The following VPS41 variants were observed in gnomAD, a reference collection of about 807,000 sequenced individuals.
VPS41 encodes VPS41 subunit of HOPS complex, also known as vacuolar protein sorting-associated protein 41 homolog.
In VPS41, 85 loss-of-function variants were observed where a neutral mutation model predicts 130.9. The observed-to-expected ratio is 0.65, with a 90% confidence interval of 0.55 to 0.78. The LOEUF (loss-of-function observed/expected upper bound fraction) is 0.78. Among genes scored for constraint, VPS41 ranks in the 30% least tolerant of loss-of-function variants. The probability of loss-of-function intolerance (pLI) is 0.00; values close to 1 mark genes in which losing one functional copy is unlikely to be tolerated. For synonymous variants in VPS41, 335 were observed against 332.9 expected (o/e 1.01, Z -0.07); for missense variants, 874 against 1,018.7 (o/e 0.86, Z 1.93).
At chr7:38,780,640 C>T (rs1227812660) in intron 10 of VPS41, among the ~76,000 whole-genome samples, 1 of 152,106 alleles carries the variant, frequency 6.6e-6, no homozygotes, top group Non-Finnish European at 1.5e-5. Flanking sequence ...TGATTAGCTG[C>T]CCCATGGAAA....
At chr7:38,892,861 T>C (rs1305261750) in intron 2 of VPS41, among the ~76,000 whole-genome samples, 11 of 152,152 alleles carry the variant, frequency 7.2e-5, no homozygotes, top group Admixed American at 5.9e-4. Context: ...TGACTCCCCA[T>C]TTGGCTCGTC....
chr7:38,750,290 A>G (rs1412249369), intron 22 of VPS41, among the ~76,000 whole-genome samples: 4 of 152,214 alleles, frequency 2.6e-5, no homozygotes, highest in Non-Finnish European at 5.9e-5. Flanking sequence ...AAATATACAG[A>G]TTTCCCACAA....
In VPS41 at chr7:38,726,205, CA is replaced by C. The variant is rs755672879; in HGVS notation, c.*40del. ...GCTTTTGTTGTTGCAAAAACAGTCT[CA>C]AAAAGAGTGGTGACAAGGAGACTGA... On this transcript the variant is annotated 3_prime_UTR_variant, in exon 29 of 29. Transcript: ENST00000310301. 3.5e-6 allele frequency: 5 copies of C among 1,424,690 alleles called. No individual in the cohort carries two copies. In the African/African-American group the frequency reaches 7.0e-5, roughly 20 times the overall value. 88.3% of individuals were successfully genotyped at this position (1,424,690 alleles called of 1,614,324 possible). A position where few individuals can be genotyped will look rare whatever the true frequency, so the allele number is the denominator to read the frequency against.
rs543768130 is a variant in VPS41 at position 38,806,839 on chromosome 7, C to G, written c.451-9975G>C. 2.6e-5 allele frequency among the ~76,000 whole-genome samples: 4 copies of G among 152,302 alleles called. No homozygotes were observed. The East Asian group carries it at 7.7e-4, about 29-fold the overall frequency. Reference sequence around the variant, plus strand: ...AGAAAAGCTGACAACCAGAAGCTAGCCTGGCACCCACAGCAGGGCTCTGAT... The same window carrying G: ...AGAAAAGCTGACAACCAGAAGCTAGGCTGGCACCCACAGCAGGGCTCTGAT... On this transcript the variant is annotated intron_variant, in intron 7 of 28. Coordinates refer to ENST00000310301, the MANE Select transcript of VPS41 (RefSeq NM_014396.4).
chr7:38,742,562 A>T (rs1795901555), intron 24 of VPS41, among the ~76,000 whole-genome samples: 1 of 152,124 alleles, frequency 6.6e-6, no homozygotes. Flanking sequence ...CACGGCTAAT[A>T]AGTAATGTGC....
chr7:38,824,355 G>A (rs1785230400), intron 5 of VPS41, among the ~76,000 whole-genome samples: 1 of 152,138 alleles, frequency 6.6e-6, no homozygotes. Flanking sequence ...TTCTGGTGAG[G>A]CGAAATGATA....
At chr7:38,891,231 A>ATT in intron 2 of VPS41, among the ~76,000 whole-genome samples, 1 of 152,274 alleles carries the variant, frequency 6.6e-6, no homozygotes, top group Admixed American at 6.5e-5. Context: ...CACCTATAAT[A>ATT]TGTATAAAGA....
At chr7:38,817,949 G>T in intron 6 of VPS41, 67 bp from the exon 7 acceptor site, 1 of 1,223,728 alleles carries the variant, frequency 8.2e-7, no homozygotes, top group Non-Finnish European at 1.2e-6. Context: ...GAAAACCCCT[G>T]ACACAGTTCA....
chr7:38,905,558 A>G (rs1787241185), intron 1 of VPS41, among the ~76,000 whole-genome samples: 1 of 152,222 alleles, frequency 6.6e-6, no homozygotes, highest in African/African-American at 2.4e-5. Flanking sequence ...GTTTTATACC[A>G]CAATAACTCA....
intron 7 of VPS41, among the ~76,000 whole-genome samples, chr7:38,808,087 T>A (rs926748861): frequency 2.0e-4 from 31 of 152,130 alleles, no homozygotes; most frequent in Admixed American, 1.8e-3. Context: ...TTGATGGATA[T>A]GAGACAATGG....
chr7:38,773,404 A>G (rs1784193282), intron 12 of VPS41, among the ~76,000 whole-genome samples: 1 of 152,202 alleles, frequency 6.6e-6, no homozygotes. Context: ...TTCATATAAG[A>G]AAGTTTAAAC....
At chr7:38,821,090 A>C in intron 6 of VPS41, 113 bp downstream of exon 6, 1 of 762,918 alleles carries the variant, frequency 1.3e-6, no homozygotes, top group Non-Finnish European at 2.3e-6. Flanking sequence ...GAAGTGTTGA[A>C]CAGACACTTA....
At chr7:38,816,183 C>T (rs1030799820) in intron 7 of VPS41, among the ~76,000 whole-genome samples, 12 of 152,268 alleles carry the variant, frequency 7.9e-5, no homozygotes, top group Admixed American at 2.6e-4. Flanking sequence ...GTAATTCCCA[C>T]TAATTAGTCC....
At chr7:38,805,471 T>A (rs984007463) in intron 7 of VPS41, among the ~76,000 whole-genome samples, 1 of 151,794 alleles carries the variant, frequency 6.6e-6, no homozygotes, top group African/African-American at 2.4e-5. Flanking sequence ...AAGCAGAGAT[T>A]GCAGTGAGCC....
At chr7:38,818,557 G>C (rs778064600) in intron 6 of VPS41, among the ~76,000 whole-genome samples, 2 of 152,078 alleles carry the variant, frequency 1.3e-5, no homozygotes, top group Non-Finnish European at 2.9e-5. Flanking sequence ...CATTTGCAAG[G>C]GCTTTATGAT....
intron 25 of VPS41, among the ~76,000 whole-genome samples, chr7:38,740,202 G>C (rs888370227): frequency 1.3e-5 from 2 of 152,196 alleles, no homozygotes; most frequent in Admixed American, 6.5e-5. Flanking sequence ...GGGTTGTTCA[G>C]AGACACCTAA....
intron 5 of VPS41, among the ~76,000 whole-genome samples, chr7:38,822,053 T>C (rs1584412611): frequency 1.3e-5 from 2 of 152,202 alleles, no homozygotes; most frequent in Non-Finnish European, 2.9e-5. Flanking sequence ...TCACAACTTA[T>C]GCTAAATCTA....
chr7:38,843,190 G>A (rs562750575), intron 4 of VPS41, among the ~76,000 whole-genome samples: 1 of 152,282 alleles, frequency 6.6e-6, no homozygotes, highest in East Asian at 1.9e-4. Context: ...GTTAACTTCT[G>A]ACATGCCCCT....
intron 15 of VPS41, among the ~76,000 whole-genome samples, chr7:38,765,987 T>C (rs967500791): frequency 2.0e-5 from 3 of 152,198 alleles, no homozygotes; most frequent in African/African-American, 7.2e-5. Flanking sequence ...GCACTGCTGG[T>C]TTCGGGAGAC....
Sources: allele counts gnomAD v4.1 joint callset (sites outside exome capture counted in the v4.1 genomes callset), GRCh38; gene constraint gnomAD v4.1.1; transcripts MANE v1.5; gene names NCBI Gene and HGNC (gene_info 2026-07-23, HGNC 2026-07-21).